SUSD4: variants seen among roughly 807,000 people sequenced by gnomAD.
SUSD4 encodes the protein sushi domain containing 4.
A neutral mutation model predicts 50.5 loss-of-function variants in SUSD4; 41 were observed. That is an observed-to-expected ratio of 0.81 (90% CI 0.63 to 1.05). The LOEUF (loss-of-function observed/expected upper bound fraction) is 1.05. Ranked by LOEUF, SUSD4 falls within the 50% of genes least tolerant of loss-of-function variation. The pLI is 0.00. For synonymous variants in SUSD4, 257 were observed against 257.3 expected, an observed-to-expected ratio of 1.00 and a Z score of 0.01; for missense variants, 580 against 634.7, an observed-to-expected ratio of 0.91 and a Z score of 0.93.
intron 3 of SUSD4, among the ~76,000 whole-genome samples, chr1:223,290,562 G>A (rs1045739565): frequency 7.9e-5 from 12 of 152,136 alleles, no homozygotes; most frequent in Non-Finnish European, 1.8e-4. Flanking sequence ...TTGGACACAC[G>A]TGGTCTTATT....
intron 2 of SUSD4, among the ~76,000 whole-genome samples, chr1:223,330,703 C>T (rs1667127334): frequency 6.6e-6 from 1 of 152,200 alleles, no homozygotes; most frequent in African/African-American, 2.4e-5. Flanking sequence ...CAACAGGAGC[C>T]ACAGAGTTCA....
intron 2 of SUSD4, among the ~76,000 whole-genome samples, chr1:223,351,993 C>T (rs1668395581): frequency 6.6e-6 from 1 of 151,780 alleles, no homozygotes; most frequent in African/African-American, 2.4e-5. Context: ...AAGACCAAGG[C>T]ACGTAGGCAG....
At chr1:223,244,922 G>A (rs1488265672) in intron 5 of SUSD4, among the ~76,000 whole-genome samples, 1 of 152,172 alleles carries the variant, frequency 6.6e-6, no homozygotes, top group Non-Finnish European at 1.5e-5. Context: ...AGCACTGGGT[G>A]TGTGTGCAAG....
chr1:223,353,258 C>A lies in SUSD4; in HGVS notation c.148+10020G>T, dbSNP rs1572126031. On this transcript the variant is annotated intron_variant, in intron 2 of 8. Transcript: ENST00000366878. ...AATGAGTTTTCACGGGGGTCAGGAC[C>A]TGCACGTGGGAAGGCGTTTACATGC... Among the ~76,000 whole-genome samples the A allele has an allele frequency of 2.0e-5, 3 of 152,282 alleles. No homozygotes were observed. In the South Asian group the frequency reaches 6.2e-4, roughly 32 times the overall value.
chr1:223,248,526 C>T (rs1661093130), intron 5 of SUSD4, among the ~76,000 whole-genome samples: 1 of 152,228 alleles, frequency 6.6e-6, no homozygotes, highest in South Asian at 2.1e-4. Context: ...TGAAACTTTG[C>T]TTTTAGCTCA....
intron 2 of SUSD4, among the ~76,000 whole-genome samples, chr1:223,340,340 G>A (rs572636319): frequency 2.0e-5 from 3 of 152,342 alleles, no homozygotes; most frequent in African/African-American, 7.2e-5. Flanking sequence ...TGAGGGGGCA[G>A]AGGGCACAGA....
chr1:223,279,199 C>A (rs533057435), intron 3 of SUSD4, among the ~76,000 whole-genome samples: 37 of 152,284 alleles, frequency 2.4e-4, no homozygotes, highest in Admixed American at 4.6e-4. Flanking sequence ...CTCCTTGCCA[C>A]CAATGGAACA....
At chr1:223,334,366 A>AG (rs1667341926) in intron 2 of SUSD4, among the ~76,000 whole-genome samples, 2 of 152,152 alleles carry the variant, frequency 1.3e-5, no homozygotes, top group African/African-American at 4.8e-5. Flanking sequence ...TTTAAGGATC[A>AG]GGAAAGGAGT....
chr1:223,288,277 T>C lies in SUSD4; in HGVS notation c.361+4162A>G, dbSNP rs187046924. Among the ~76,000 whole-genome samples the C allele has an allele frequency of 5.5e-3, 834 of 152,260 alleles. 2 individuals are homozygous for C. The highest frequency in any genetic ancestry group is 0.014 in the Middle Eastern group (4 of 294). On this transcript the variant is annotated intron_variant, in intron 3 of 8. Transcript: ENST00000366878. ...AGGGGTTTTCCCTGTGTGCTCTCTCTCTCCTGCCACCATGTATGCCGTACT... is the reference window on the plus strand; with the variant it reads ...AGGGGTTTTCCCTGTGTGCTCTCTCCCTCCTGCCACCATGTATGCCGTACT...
chr1:223,312,932 G>A (rs1469229722), intron 2 of SUSD4, among the ~76,000 whole-genome samples: 1 of 152,184 alleles, frequency 6.6e-6, no homozygotes, highest in Non-Finnish European at 1.5e-5. Context: ...AAGACACTAA[G>A]CAGAGCAAGT....
intron 5 of SUSD4, chr1:223,263,773 C>T (rs1017371935): frequency 1.6e-5 from 16 of 985,356 alleles, no homozygotes; most frequent in Non-Finnish European, 1.9e-5. Flanking sequence ...TGTAGAGATG[C>T]TGTAAACTTG....
chr1:223,346,416 G>A (rs1339532897), intron 2 of SUSD4, among the ~76,000 whole-genome samples: 5 of 152,116 alleles, frequency 3.3e-5, no homozygotes, highest in African/African-American at 9.7e-5. Flanking sequence ...TTGGGCTAGG[G>A]TTCAAGGCGT....
chr1:223,292,315 T>C (rs1664542573), intron 3 of SUSD4, 124 bp downstream of exon 3: 3 of 1,009,232 alleles, frequency 3.0e-6, no homozygotes, highest in Non-Finnish European at 3.0e-6. Context: ...CTGGTCAGCA[T>C]GCAGGTGCAG....
chr1:223,294,230 A>T (rs2103156282), intron 2 of SUSD4, among the ~76,000 whole-genome samples: 1 of 152,300 alleles, frequency 6.6e-6, no homozygotes, highest in African/African-American at 2.4e-5. Flanking sequence ...CCCCACCCCC[A>T]GCACAGCCTG....
intron 2 of SUSD4, among the ~76,000 whole-genome samples, chr1:223,345,229 CCCCAACCCCTTCAG>C (rs1667965913): frequency 6.6e-6 from 1 of 152,126 alleles, no homozygotes; most frequent in South Asian, 2.1e-4. Flanking sequence ...TCATGGATCC[CCCCAACCCCTTCAG>C]AGGTCCGCAC....
intron 5 of SUSD4, among the ~76,000 whole-genome samples, chr1:223,233,012 C>T (rs1002666152): frequency 1.3e-5 from 2 of 152,172 alleles, no homozygotes; most frequent in African/African-American, 4.8e-5. Context: ...GCTGGGGTTC[C>T]CATGCTGCCC....
chr1:223,225,054 G>A (rs1659422250), intron 7 of SUSD4, among the ~76,000 whole-genome samples: 2 of 151,740 alleles, frequency 1.3e-5, no homozygotes, highest in African/African-American at 4.8e-5. Flanking sequence ...ATTTTTAGGA[G>A]AGACAAGGTT....
chr1:223,241,429 C>T (rs74145768), intron 5 of SUSD4, among the ~76,000 whole-genome samples: 3,062 of 152,302 alleles, frequency 0.02, 111 homozygotes, highest in African/African-American at 0.069. Flanking sequence ...CCTTCCCCAA[C>T]CCCTGTCTTG....
chr1:223,295,790 T>C (rs1664780915), intron 2 of SUSD4, among the ~76,000 whole-genome samples: 1 of 150,888 alleles, frequency 6.6e-6, no homozygotes, highest in African/African-American at 2.4e-5. Context: ...AGGGTATACA[T>C]ATGTAACTAA....
Sources: gnomAD v4.1 joint callset for allele counts (sites outside exome capture counted in the v4.1 genomes callset) on GRCh38, gnomAD v4.1.1 for gene constraint, MANE v1.5 for transcripts, NCBI Gene and HGNC (gene_info 2026-07-23, HGNC 2026-07-21) for gene names.